Variants in CAST observed in about 807,000 individuals in gnomAD.
CAST encodes MIR583 host.
In CAST, 76 loss-of-function variants were observed where a neutral mutation model predicts 119.6. The observed-to-expected ratio is 0.64, with a 90% CI of 0.53 to 0.77. The LOEUF (loss-of-function observed/expected upper bound fraction) is 0.77, where lower values mean the gene tolerates loss of function less well. Among genes scored for constraint, CAST ranks in the 30% least tolerant of loss-of-function variants. The pLI, the probability that CAST is intolerant of heterozygous loss-of-function variation, is 0.00. For synonymous variants in CAST, 319 were observed against 331.6 expected (o/e 0.96, Z 0.41); for missense variants, 953 against 946.5 (o/e 1.01, Z -0.09).
chr5:96,618,114 G>A (rs951872889), intron 1 of CAST, among the ~76,000 whole-genome samples: 6 of 152,148 alleles, frequency 3.9e-5, no homozygotes, highest in Admixed American at 2.6e-4. Context: ...CTCCATCCAC[G>A]CAGTCCTACA....
intron 1 of CAST, among the ~76,000 whole-genome samples, chr5:96,595,347 G>A (rs956221149): frequency 1.3e-5 from 2 of 152,236 alleles, no homozygotes; most frequent in Non-Finnish European, 1.5e-5. Context: ...AGTGGCCTGG[G>A]TCCCCAGATT....
At chr5:96,014,713 A>G in the CAST span, among the ~76,000 whole-genome samples, 1 of 152,200 alleles carries the variant, frequency 6.6e-6, no homozygotes, top group Non-Finnish European at 1.5e-5. Flanking sequence ...AGATCTATGC[A>G]AGTAGGATAA....
chr5:96,138,466 C>A, the CAST span, among the ~76,000 whole-genome samples: 1 of 151,908 alleles, frequency 6.6e-6, no homozygotes, highest in South Asian at 2.1e-4. Context: ...AGGTCTTTTG[C>A]CTTACCATAT....
intron 1 of CAST, among the ~76,000 whole-genome samples, chr5:96,615,785 A>G (rs1306204123): frequency 1.3e-5 from 2 of 152,178 alleles, no homozygotes; most frequent in African/African-American, 4.8e-5. Context: ...GGCAAGTGTA[A>G]ATGTTCTGGT....
At chr5:96,301,130 C>G in the CAST span, among the ~76,000 whole-genome samples, 1 of 152,058 alleles carries the variant, frequency 6.6e-6, no homozygotes, top group African/African-American at 2.4e-5. Context: ...AGAATCATGG[C>G]AAAAGGCAAA....
At chr5:96,026,081 TA>T in the CAST span, among the ~76,000 whole-genome samples, 2 of 151,830 alleles carry the variant, frequency 1.3e-5, no homozygotes, top group African/African-American at 4.8e-5. Context: ...AAAAATAAAT[TA>T]AAAAATTAGC....
At chr5:96,553,780 A>G (rs1746180758) in intron 1 of CAST, among the ~76,000 whole-genome samples, 1 of 152,228 alleles carries the variant, frequency 6.6e-6, no homozygotes, top group Admixed American at 6.5e-5. Flanking sequence ...AGAGAGCCAA[A>G]TCATGAGTTA....
At chr5:96,329,509 A>G in the CAST span, among the ~76,000 whole-genome samples, 1 of 152,172 alleles carries the variant, frequency 6.6e-6, no homozygotes, top group Non-Finnish European at 1.5e-5. Context: ...CCCCCCTAGA[A>G]CATAGGCCCC....
At chr5:96,102,713 T>G in the CAST span, among the ~76,000 whole-genome samples, 1 of 145,972 alleles carries the variant, frequency 6.9e-6, no homozygotes, top group Non-Finnish European at 1.5e-5. Context: ...TTCTCTCTAG[T>G]TTTCTTGGGG....
At chr5:96,503,273 G>A in the CAST span, among the ~76,000 whole-genome samples, 1 of 151,892 alleles carries the variant, frequency 6.6e-6, no homozygotes, top group Non-Finnish European at 1.5e-5. Context: ...TTTATTCTTG[G>A]CTCATTTTCC....
At chr5:96,190,771 T>C in the CAST span, among the ~76,000 whole-genome samples, 1 of 152,182 alleles carries the variant, frequency 6.6e-6, no homozygotes, top group African/African-American at 2.4e-5. Flanking sequence ...CATGTGCAGG[T>C]TTATTACTTA....
chr5:96,093,509 T>C, the CAST span, among the ~76,000 whole-genome samples: 1 of 152,198 alleles, frequency 6.6e-6, no homozygotes, highest in Non-Finnish European at 1.5e-5. Context: ...CCAGTCTGAC[T>C]GGAAAATAAG....
chr5:96,416,194 TG>T, the CAST span: 4,925 of 1,002,674 alleles, frequency 4.9e-3, 160 homozygotes, highest in African/African-American at 0.069. Flanking sequence ...AATGAATTAA[TG>T]GGGCATAGGT....
the CAST span, among the ~76,000 whole-genome samples, chr5:96,400,683 T>C: frequency 6.6e-5 from 10 of 152,202 alleles, no homozygotes; most frequent in Non-Finnish European, 1.3e-4. Context: ...ATTGCCTTTT[T>C]CTTTATCTAT....
chr5:96,632,509 A>G (rs1043116372), intron 1 of CAST, among the ~76,000 whole-genome samples: 1 of 152,076 alleles, frequency 6.6e-6, no homozygotes, highest in Non-Finnish European at 1.5e-5. Context: ...TATCTAAAAA[A>G]CCATTTGCTA....
Position 96,768,006 on chromosome 5 carries a change from T to C in CAST, c.2268+7T>C. ...CTCACAGAACACAGCAAAGGTACTG[T>C]GCTTTTTCACATTTCACTCTTTGAA... is the stretch of plus-strand genomic sequence containing the variant. On this transcript the variant is annotated splice_region_variant and intron_variant, in intron 29 of 31. Coordinates refer to ENST00000675179, the MANE Select transcript of CAST (RefSeq NM_001750.7). 6.3e-7 allele frequency: 1 copy of C among 1,585,990 alleles called. No individual in the cohort carries two copies. The highest frequency in any genetic ancestry group is 8.7e-7 in the Non-Finnish European group (1 of 1,154,536).
At chr5:96,664,511 C>T (rs552898494) in intron 1 of CAST, among the ~76,000 whole-genome samples, 2 of 152,266 alleles carry the variant, frequency 1.3e-5, no homozygotes, top group East Asian at 3.9e-4. Context: ...ATCCTCCCAC[C>T]TCAGCCTCCC....
intron 1 of CAST, among the ~76,000 whole-genome samples, chr5:96,559,385 G>T (rs775639824): frequency 1.3e-5 from 2 of 152,126 alleles, no homozygotes; most frequent in African/African-American, 2.4e-5. Flanking sequence ...AGGAAATAAG[G>T]GGTATTCAGT....
At chr5:96,034,632 A>G in the CAST span, among the ~76,000 whole-genome samples, 1 of 151,328 alleles carries the variant, frequency 6.6e-6, no homozygotes, top group Admixed American at 6.6e-5. Context: ...TGAGAACCCT[A>G]CATCCACTCT....
Sources: gnomAD v4.1 joint callset for allele counts (sites outside exome capture counted in the v4.1 genomes callset) on GRCh38, gnomAD v4.1.1 for gene constraint, MANE v1.5 for transcripts, NCBI Gene and HGNC (gene_info 2026-07-23, HGNC 2026-07-21) for gene names.